PCYT1B: variants seen among roughly 807,000 people sequenced by gnomAD.
PCYT1B encodes the protein phosphate cytidylyltransferase 1B, choline.
A neutral mutation model predicts 26.4 loss-of-function variants in PCYT1B; 10 were observed. That is an observed-to-expected ratio of 0.38 (90% CI 0.23 to 0.64). The LOEUF (loss-of-function observed/expected upper bound fraction) is 0.64, where lower values mean the gene tolerates loss of function less well. Among genes scored for constraint, PCYT1B ranks in the 30% least tolerant of loss-of-function variants. The pLI is 0.56. For synonymous variants in PCYT1B, 131 were observed against 108.4 expected (o/e 1.21, Z -1.29); for missense variants, 161 against 292.7 (o/e 0.55, Z 3.28).
intron 1 of PCYT1B, among the ~76,000 whole-genome samples, chrX:24,629,592 A>AAAAAAAAC (rs1491555900): frequency 3.3e-5 from 3 of 91,534 alleles, no homozygotes; most frequent in Non-Finnish European, 6.5e-5. Flanking sequence ...AAAAAAAAAC[A>AAAAAAAAC]ACACGTATTT....
chrX:24,592,207 G>A (rs1924591307), intron 3 of PCYT1B, among the ~76,000 whole-genome samples: 1 of 112,000 alleles, frequency 8.9e-6, no homozygotes, highest in Non-Finnish European at 1.9e-5. Flanking sequence ...CAACATGGAT[G>A]GATCTGGAGG....
intron 1 of PCYT1B, among the ~76,000 whole-genome samples, chrX:24,663,914 G>A (rs1280369937): frequency 1.8e-5 from 2 of 108,640 alleles, no homozygotes; most frequent in Non-Finnish European, 3.8e-5. Context: ...GCGAGATTCC[G>A]TCTCAAAAAC....
intron 1 of PCYT1B, among the ~76,000 whole-genome samples, chrX:24,634,003 G>A (rs749406096): frequency 1.1e-4 from 12 of 111,056 alleles, no homozygotes; most frequent in South Asian, 3.8e-4. Flanking sequence ...CACTCACTGC[G>A]CCCTCCAACT....
At chrX:24,584,089 C>T (rs966215798) in intron 5 of PCYT1B, among the ~76,000 whole-genome samples, 1 of 111,795 alleles carries the variant, frequency 8.9e-6, no homozygotes, top group Non-Finnish European at 1.9e-5. Context: ...AATCCCAGCA[C>T]TTTGGGAGGC....
intron 1 of PCYT1B, among the ~76,000 whole-genome samples, chrX:24,632,915 T>G (rs752745941): frequency 9.0e-6 from 1 of 111,524 alleles, no homozygotes; most frequent in East Asian, 2.8e-4. Context: ...TATTTCAAAA[T>G]AGCTTGAAAA....
At chrX:24,671,341 G>GAATGAATC (rs1555967559) in intron 1 of PCYT1B, among the ~76,000 whole-genome samples, 76 of 103,006 alleles carry the variant, frequency 7.4e-4, no homozygotes, top group African/African-American at 2.0e-3. Context: ...ATGAATGAAT[G>GAATGAATC]AATCAATCAA....
intron 2 of PCYT1B, among the ~76,000 whole-genome samples, chrX:24,612,898 G>A (rs977198601): frequency 1.8e-5 from 2 of 112,203 alleles, no homozygotes; most frequent in Non-Finnish European, 3.8e-5. Flanking sequence ...CTTTGATTAT[G>A]GCTATTAACA....
intron 5 of PCYT1B, among the ~76,000 whole-genome samples, chrX:24,582,896 G>C (rs1366318685): frequency 8.9e-6 from 1 of 111,933 alleles, no homozygotes; most frequent in Admixed American, 9.5e-5. Flanking sequence ...GTCCCAAATA[G>C]ATCATTACTG....
At chrX:24,663,319 G>A (rs1345331101) in intron 1 of PCYT1B, among the ~76,000 whole-genome samples, 1 of 112,446 alleles carries the variant, frequency 8.9e-6, no homozygotes, top group African/African-American at 3.2e-5. Context: ...GTGTTCTTGA[G>A]CGAGTACTTG....
intron 1 of PCYT1B, among the ~76,000 whole-genome samples, chrX:24,624,185 G>T (rs1925809396): frequency 9.1e-6 from 1 of 109,936 alleles, no homozygotes; most frequent in Non-Finnish European, 1.9e-5. Flanking sequence ...TAACCAGGAT[G>T]GTCTTGATCT....
intron 3 of PCYT1B, among the ~76,000 whole-genome samples, chrX:24,607,212 C>A (rs759296232): frequency 8.9e-6 from 1 of 112,006 alleles, no homozygotes; most frequent in South Asian, 3.8e-4. Context: ...AAGATTACCT[C>A]GGTATATAAA....
chrX:24,663,399 A>G (rs945815405), intron 1 of PCYT1B, among the ~76,000 whole-genome samples: 27 of 112,266 alleles, frequency 2.4e-4, no homozygotes, highest in African/African-American at 8.1e-4. Flanking sequence ...TTTTGTGGGG[A>G]TTAAATATAA....
At chrX:24,667,558 A>C (rs1927152721) in intron 1 of PCYT1B, among the ~76,000 whole-genome samples, 1 of 110,526 alleles carries the variant, frequency 9.0e-6, no homozygotes, top group Non-Finnish European at 1.9e-5. Context: ...CTCTACTAAA[A>C]GTACAAAAAT....
chrX:24,583,894 C>A (rs1476308674), intron 5 of PCYT1B, among the ~76,000 whole-genome samples: 1 of 112,142 alleles, frequency 8.9e-6, no homozygotes, highest in African/African-American at 3.2e-5. Flanking sequence ...ACCAGACCTA[C>A]TGAATCTGAA....
intron 1 of PCYT1B, among the ~76,000 whole-genome samples, chrX:24,656,716 C>G (rs898170979): frequency 1.9e-5 from 2 of 107,459 alleles, no homozygotes; most frequent in African/African-American, 6.8e-5. Flanking sequence ...CCACCACACC[C>G]GGCTAATTTT....
chrX:24,665,755 T>C (rs1387573050), intron 1 of PCYT1B, among the ~76,000 whole-genome samples: 1 of 111,263 alleles, frequency 9.0e-6, no homozygotes, highest in Non-Finnish European at 1.9e-5. Flanking sequence ...GAATTCTTTG[T>C]GTGAGACTTA....
chrX:24,570,309 A>T (rs1303388011), intron 7 of PCYT1B, among the ~76,000 whole-genome samples: 1 of 108,903 alleles, frequency 9.2e-6, no homozygotes, highest in Non-Finnish European at 1.9e-5. Flanking sequence ...GCTGGAGTGC[A>T]GTGGTGCAAT....
chrX:24,560,045 G>C lies in PCYT1B; in HGVS notation c.*2248C>G, dbSNP rs746087170. On this transcript the variant is annotated 3_prime_UTR_variant, in exon 8 of 8. Transcript: ENST00000379144. ...CTGATGAGTCACGTAAGTGGCACCT[G>C]TCAGTATGGCGTGTAAGGCCTGCAA... 8.9e-6 allele frequency: 1 copy of C among 112,001 alleles called. No individual in the cohort carries two copies. The highest frequency in any genetic ancestry group is 2.8e-4 in the East Asian group (1 of 3,544). The allele number at this position is 112,001 out of a possible 1,213,427, so 9.2% of individuals were successfully genotyped here. A position where few individuals can be genotyped will look rare whatever the true frequency, so the allele number is the denominator to read the frequency against.
chrX:24,661,679 C>A (rs1488021986), intron 1 of PCYT1B, among the ~76,000 whole-genome samples: 3 of 111,345 alleles, frequency 2.7e-5, no homozygotes, highest in African/African-American at 9.8e-5. Flanking sequence ...GTTTCTTCAA[C>A]CAAAAAATTG....
Sources: gnomAD v4.1 joint callset for allele counts (sites outside exome capture counted in the v4.1 genomes callset) on GRCh38, gnomAD v4.1.1 for gene constraint, MANE v1.5 for transcripts, NCBI Gene and HGNC (gene_info 2026-07-23, HGNC 2026-07-21) for gene names.